The following TNN variants were observed in gnomAD, a reference collection of about 807,000 sequenced individuals.
The protein encoded by TNN is tenascin N, also known as tenascin-N.
In TNN, 122 loss-of-function variants were observed where a neutral mutation model predicts 134.4. The ratio of observed to expected loss-of-function variants is 0.91; its 90% CI spans 0.78 to 1.06. The LOEUF (loss-of-function observed/expected upper bound fraction) is 1.06, where lower values mean the gene tolerates loss of function less well. TNN is among the 50% of genes least tolerant of loss of function. The pLI is 0.00. For synonymous variants in TNN, 710 were observed against 670.3 expected (o/e 1.06, Z -0.91); for missense variants, 1,739 against 1,699.4 (o/e 1.02, Z -0.41).
At chr1:175,085,804 G>A (rs557853707) in intron 6 of TNN, among the ~76,000 whole-genome samples, 1 of 151,546 alleles carries the variant, frequency 6.6e-6, no homozygotes, top group African/African-American at 2.4e-5. Flanking sequence ...AGCCCGGGAG[G>A]TGGAGGTTGT....
intron 17 of TNN, 40 bp downstream of exon 17, chr1:175,137,028 G>T: frequency 1.2e-6 from 2 of 1,604,438 alleles, no homozygotes; most frequent in Non-Finnish European, 1.7e-6. Flanking sequence ...GTCTCTTGCT[G>T]TCTGTTGTGT....
intron 17 of TNN, among the ~76,000 whole-genome samples, chr1:175,140,466 C>T (rs1296911237): frequency 6.6e-6 from 1 of 152,258 alleles, no homozygotes; most frequent in Non-Finnish European, 1.5e-5. Flanking sequence ...TCCCGGGCTG[C>T]ACATTTCCTT....
At chr1:175,128,475 C>T in intron 14 of TNN, 120 bp from the exon 15 acceptor site, 1 of 1,245,450 alleles carries the variant, frequency 8.0e-7, no homozygotes, top group Non-Finnish European at 1.1e-6. Context: ...TTGGAAGAAG[C>T]TGAAGTAGGA....
At chr1:175,126,748 G>C (rs1015468245) in intron 12 of TNN, among the ~76,000 whole-genome samples, 1 of 152,152 alleles carries the variant, frequency 6.6e-6, no homozygotes, top group Non-Finnish European at 1.5e-5. Context: ...CCAACGCCCT[G>C]TTCTTCTTGT....
At chr1:175,102,709 G>A (rs1407711440) in intron 9 of TNN, among the ~76,000 whole-genome samples, 1 of 146,230 alleles carries the variant, frequency 6.8e-6, no homozygotes, top group Non-Finnish European at 1.5e-5. Flanking sequence ...CAAGCTGAGG[G>A]AGTGGGCTCC....
At chr1:175,085,292 G>C (rs897408384) in intron 5 of TNN, 113 bp from the exon 6 acceptor site, 4 of 691,076 alleles carry the variant, frequency 5.8e-6, no homozygotes, top group African/African-American at 1.8e-5. Flanking sequence ...ATCTTTGGAG[G>C]AGGAAGCATC....
intron 9 of TNN, among the ~76,000 whole-genome samples, chr1:175,113,398 C>T (rs934472022): frequency 2.0e-5 from 3 of 152,168 alleles, no homozygotes; most frequent in Non-Finnish European, 2.9e-5. Context: ...CTCTCCTGGC[C>T]TGTAAGATTT....
chr1:175,111,863 G>A (rs116820940), intron 9 of TNN, among the ~76,000 whole-genome samples: 3,467 of 151,492 alleles, frequency 0.023, 126 homozygotes, highest in African/African-American at 0.078. Flanking sequence ...AAACTTTATT[G>A]AATTTATCAG....
chr1:175,120,992 C>G (rs1675360833), intron 11 of TNN, among the ~76,000 whole-genome samples: 1 of 152,124 alleles, frequency 6.6e-6, no homozygotes, highest in South Asian at 2.1e-4. Context: ...GAGATGGGGT[C>G]TCACTGTGTT....
At chr1:175,135,794 C>A (rs1305166694) in intron 15 of TNN, 51 bp from the exon 16 acceptor site, 9 of 1,433,964 alleles carry the variant, frequency 6.3e-6, no homozygotes, top group Non-Finnish European at 8.9e-6. Flanking sequence ...TGTCTCCCAG[C>A]ACCTATGTCT....
intron 7 of TNN, 51 bp downstream of exon 7, chr1:175,094,304 T>C: frequency 6.8e-7 from 1 of 1,460,406 alleles, no homozygotes; most frequent in Admixed American, 2.2e-5. Context: ...AGGGAGAAGG[T>C]TGATTTTTGA....
At chr1:175,085,589 T>G in intron 6 of TNN, 95 bp downstream of exon 6, 1 of 914,524 alleles carries the variant, frequency 1.1e-6, no homozygotes, top group South Asian at 1.4e-5. Context: ...ATTCTGGGAT[T>G]TGCAGACAGA....
At chr1:175,142,902 CA>C (rs1558377288) in intron 17 of TNN, among the ~76,000 whole-genome samples, 1 of 152,188 alleles carries the variant, frequency 6.6e-6, no homozygotes, top group Non-Finnish European at 1.5e-5. Context: ...AGGTGTGAGC[CA>C]CCGTGCCTGG....
chr1:175,098,638 G>T (rs1558356724), intron 9 of TNN, 43 bp downstream of exon 9: 2 of 1,613,180 alleles, frequency 1.2e-6, no homozygotes, highest in Non-Finnish European at 8.5e-7. Flanking sequence ...CATGCTCAGG[G>T]TCTGTCTACA....
intron 6 of TNN, 89 bp downstream of exon 6, chr1:175,085,583 TG>T: frequency 1.0e-6 from 1 of 970,084 alleles, no homozygotes; most frequent in Non-Finnish European, 1.6e-6. Context: ...ATAAGAATTC[TG>T]GGATTTGCAG....
chr1:175,111,000 C>T (rs765244900), intron 9 of TNN, among the ~76,000 whole-genome samples: 3 of 151,148 alleles, frequency 2.0e-5, no homozygotes, highest in Non-Finnish European at 4.4e-5. Context: ...CATGGTGAAA[C>T]CCTGTTTCTA....
At position 175,105,553 on chromosome 1, in the gene TNN, T is replaced by C. The variant is rs1356363147; in HGVS notation, c.2119+6958T>C. Among the ~76,000 whole-genome samples, 4 of 145,494 alleles carry C rather than the reference T, an allele frequency of 2.7e-5. 1 individual carries two copies. The East Asian group carries it at 9.3e-4, about 34-fold the overall frequency. On this transcript the variant is annotated intron_variant, in intron 9 of 18. Coordinates refer to ENST00000239462, the MANE Select transcript of TNN (RefSeq NM_022093.2). ...TATTCTCCCTCAATGAAAAGAAAGC[T>C]TGGACATAAGGTATTTCACTCCATT...
At position 175,107,366 on chromosome 1, in the gene TNN, G is replaced by A. The variant is rs1218107125; in HGVS notation, c.2119+8771G>A. Among the ~76,000 whole-genome samples, 5 of 142,772 alleles carry A rather than the reference G, an allele frequency of 3.5e-5. 1 individual carries two copies. The highest frequency in any genetic ancestry group is 7.7e-5 in the Non-Finnish European group (5 of 64,706). 93.7% of individuals were successfully genotyped at this position (142,772 alleles called of 152,430 possible). Reference sequence around the variant, plus strand: ...TCCCTTCTGATGTTCTGATGTGTTCGGAGTTTCTTCCTTCTGGTGGGTTCG... The same window carrying A: ...TCCCTTCTGATGTTCTGATGTGTTCAGAGTTTCTTCCTTCTGGTGGGTTCG... On this transcript the variant is annotated intron_variant, in intron 9 of 18. Transcript: ENST00000239462.
rs1241603380 is a variant in TNN at position 175,123,523 on chromosome 1, A to G, written c.2774A>G (p.Glu925Gly). Residue 925 changes from glutamate to glycine, a missense_variant, in exon 12 of 19, where the codon GAG becomes GGG. By Grantham distance (98) the Glu-to-Gly change is moderately conservative. Transcript: ENST00000239462. ...YMVRYTSADG[E>G]TREVPVGKEH... ...GTGCGCTACACCTCTGCTGACGGAG[A>G]GACCAGGGAGGTTCCGGTGGGGAAG... 6.2e-7 allele frequency: 1 copy of G among 1,614,052 alleles called. No individual in the cohort carries two copies.
Sources: allele counts gnomAD v4.1 joint callset (sites outside exome capture counted in the v4.1 genomes callset), GRCh38; gene constraint gnomAD v4.1.1; transcripts MANE v1.5; gene names NCBI Gene and HGNC (gene_info 2026-07-23, HGNC 2026-07-21).